Variants in WASF2 observed in about 807,000 individuals in gnomAD.
WASF2 encodes the protein actin-binding protein WASF2.
A neutral mutation model predicts 45.0 loss-of-function variants in WASF2; 14 were observed. The observed-to-expected ratio is 0.31, with a 90% CI of 0.21 to 0.49. WASF2 has a LOEUF of 0.49. Among genes scored for constraint, WASF2 ranks in the 20% least tolerant of loss-of-function variants. WASF2 has a pLI of 0.99. For synonymous variants in WASF2, 200 were observed against 236.3 expected (o/e 0.85, Z 1.41); for missense variants, 439 against 636.1 (o/e 0.69, Z 3.33).
At chr1:27,468,816 C>T (rs150535874) in intron 1 of WASF2, among the ~76,000 whole-genome samples, 3,057 of 149,786 alleles carry the variant, frequency 0.02, 105 homozygotes, top group African/African-American at 0.071. Flanking sequence ...CCCGTCTCTA[C>T]TAAGAATACA....
intron 1 of WASF2, among the ~76,000 whole-genome samples, chr1:27,487,520 A>G (rs2017950657): frequency 9.0e-6 from 1 of 111,526 alleles, no homozygotes; most frequent in Non-Finnish European, 1.7e-5. Flanking sequence ...GTTATATTAT[A>G]TATATTTTAT....
At chr1:27,458,463 A>G (rs1417034069) in intron 1 of WASF2, among the ~76,000 whole-genome samples, 1 of 152,120 alleles carries the variant, frequency 6.6e-6, no homozygotes, top group Non-Finnish European at 1.5e-5. Flanking sequence ...AAGATAACAA[A>G]TATTTGTAGT....
chr1:27,408,299 C>T lies in WASF2; in HGVS notation c.1387G>A (p.Asp463Asn), dbSNP rs773730204. 207 of 1,614,080 alleles carry T rather than the reference C, an allele frequency of 1.3e-4. No individual in the cohort carries two copies. Among genetic ancestry groups the T allele is most frequent in the African/African-American group, 1.3e-5 (1 of 74,928 alleles). The change falls in exon 9 of 9, where the codon GAT becomes AAT. Residue 463 changes from aspartate to asparagine, a missense_variant. Physicochemically the swap from Asp to Asn is conservative, Grantham distance 23. This residue lies in a region of WASF2 where 286 missense variants were observed against 373.5 expected (regional missense o/e 0.77). Transcript: ENST00000618852. ...VEEQREQEKR[D>N]VVGNDVATIL... The stretch of plus-strand genomic sequence containing the variant: ...GTGGCCACGTCATTGCCCACAACAT[C>T]CCGCTTCTCTTGTTCCCGCTGCTCC...
chr1:27,406,121 C>T lies in WASF2; in HGVS notation c.*2068G>A, dbSNP rs1266928995. 4 of 152,728 alleles carry T rather than the reference C, an allele frequency of 2.6e-5. No homozygotes were observed. The highest frequency in any genetic ancestry group is 5.9e-5 in the Non-Finnish European group (4 of 68,132). 9.5% of individuals were successfully genotyped at this position (152,728 alleles called of 1,614,324 possible). On this transcript the variant is annotated 3_prime_UTR_variant, in exon 9 of 9. Coordinates refer to ENST00000618852, the MANE Select transcript of WASF2 (RefSeq NM_006990.5). ...GTCTCCTATTTGGGAGAACCACTGCCCTCTGCCTGCCTCTCCAACTACTGC... is the reference window on the plus strand; with the variant it reads ...GTCTCCTATTTGGGAGAACCACTGCTCTCTGCCTGCCTCTCCAACTACTGC...
At chr1:27,469,012 TG>T (rs1388949754) in intron 1 of WASF2, among the ~76,000 whole-genome samples, 6 of 150,836 alleles carry the variant, frequency 4.0e-5, no homozygotes, top group Non-Finnish European at 8.8e-5. Context: ...ATAAACCAAA[TG>T]TTCAGAGAGA....
intron 1 of WASF2, among the ~76,000 whole-genome samples, chr1:27,431,744 A>T (rs1049126150): frequency 3.3e-5 from 5 of 152,214 alleles, no homozygotes; most frequent in Non-Finnish European, 5.9e-5. Context: ...ACACCTTGGT[A>T]CTTTAGCACT....
chr1:27,422,111 G>A lies in WASF2; in HGVS notation c.131-3023C>T, dbSNP rs561711005. On this transcript the variant is annotated intron_variant, in intron 2 of 8. Transcript: ENST00000618852. The stretch of plus-strand genomic sequence containing the variant: ...TAGGATTTCCTGCTCCTTAAGTGAA[G>A]GGGATAGTGATAGTAGAAGTAGAGG... Among the ~76,000 whole-genome samples, 231 of 151,058 alleles carry A rather than the reference G, an allele frequency of 1.5e-3. 1 individual carries two copies. Among genetic ancestry groups the A allele is most frequent in the African/African-American group, 5.1e-3 (212 of 41,182 alleles).
rs532048393 is a variant in WASF2, at chr1:27,463,269, T to C, written c.-44+26717A>G. ...TATCAATTATTTTCTGAACAGAATA[T>C]ATTATAGATATTTTAACTTTTTCTT... On this transcript the variant is annotated intron_variant, in intron 1 of 8. Transcript: ENST00000618852. Among the ~76,000 whole-genome samples the C allele has an allele frequency of 1.5e-3, 234 of 152,246 alleles. 2 individuals carry two copies. Among genetic ancestry groups the C allele is most frequent in the Middle Eastern group, 6.8e-3 (2 of 294 alleles).
intron 1 of WASF2, among the ~76,000 whole-genome samples, chr1:27,458,077 A>T (rs1324898331): frequency 1.3e-5 from 2 of 152,118 alleles, no homozygotes; most frequent in African/African-American, 4.8e-5. Context: ...TGGGAGGCCG[A>T]GACAGGCGGA....
rs1013712258 is a variant in WASF2, at chr1:27,405,334, CA to C, written c.*2854del. ...CCATCTCACAACCAAGGCAAAGCCA[CA>C]AGTTGCTTCTGACACTATTGGAAGC... On this transcript the variant is annotated 3_prime_UTR_variant, in exon 9 of 9. Coordinates refer to ENST00000618852, the MANE Select transcript of WASF2 (RefSeq NM_006990.5). 19 of 152,276 alleles carry C rather than the reference CA, an allele frequency of 1.2e-4. No homozygotes were observed. Among genetic ancestry groups the C allele is most frequent in the African/African-American group, 4.3e-4 (18 of 41,434 alleles). 9.4% of individuals were successfully genotyped at this position (152,276 alleles called of 1,614,324 possible).
chr1:27,415,899 T>A (rs1351217818), intron 5 of WASF2, 86 bp downstream of exon 5: 1 of 1,129,424 alleles, frequency 8.9e-7, no homozygotes, highest in Non-Finnish European at 1.3e-6. Flanking sequence ...CTTGAAATGA[T>A]TACTTCACAT....
intron 1 of WASF2, among the ~76,000 whole-genome samples, chr1:27,446,007 T>C (rs1488056533): frequency 6.6e-6 from 1 of 152,090 alleles, no homozygotes; most frequent in East Asian, 1.9e-4. Context: ...AAGATAATTA[T>C]ATCAGAAGTG....
intron 1 of WASF2, among the ~76,000 whole-genome samples, chr1:27,464,704 C>A (rs1455161354): frequency 6.6e-6 from 1 of 152,120 alleles, no homozygotes; most frequent in Admixed American, 6.6e-5. Flanking sequence ...CTTAGAAGCA[C>A]TTCCAGCTTA....
Position 27,436,604 on chromosome 1 carries a change from G to A in WASF2, c.-43-7671C>T, listed in dbSNP as rs531977962. Among the ~76,000 whole-genome samples the A allele has an allele frequency of 7.2e-5, 11 of 152,310 alleles. No homozygotes were observed. In the South Asian group the frequency reaches 2.1e-3, roughly 29 times the overall value. On this transcript the variant is annotated intron_variant, in intron 1 of 8. Coordinates refer to ENST00000618852, the MANE Select transcript of WASF2 (RefSeq NM_006990.5). ...AAGTCTGTATATTAAAATGTTTAAA[G>A]TATGAATTTACTGTTGCATATAGCA...
At chr1:27,453,274 T>A (rs996187503) in intron 1 of WASF2, among the ~76,000 whole-genome samples, 11 of 151,460 alleles carry the variant, frequency 7.3e-5, no homozygotes, top group Non-Finnish European at 1.3e-4. Flanking sequence ...ACATAGCAAA[T>A]GTCAGTGTAT....
intron 3 of WASF2, 22 bp downstream of exon 3, chr1:27,418,932 A>AGCTC: frequency 6.2e-7 from 1 of 1,609,358 alleles, no homozygotes. Flanking sequence ...GAGCCTGCAA[A>AGCTC]TGCTGAGCTC....
intron 1 of WASF2, among the ~76,000 whole-genome samples, chr1:27,462,234 C>T (rs1443173552): frequency 4.6e-5 from 7 of 151,854 alleles, no homozygotes; most frequent in Non-Finnish European, 7.4e-5. Context: ...CCTTGGCCTC[C>T]CAAAGTGCTG....
chr1:27,446,474 C>T (rs983539327), intron 1 of WASF2, among the ~76,000 whole-genome samples: 1 of 152,136 alleles, frequency 6.6e-6, no homozygotes, highest in Non-Finnish European at 1.5e-5. Context: ...AAAAGCTTCA[C>T]TTGTAAAGAC....
intron 1 of WASF2, among the ~76,000 whole-genome samples, chr1:27,461,148 A>C (rs934664315): frequency 9.2e-5 from 14 of 152,136 alleles, no homozygotes; most frequent in Admixed American, 6.6e-5. Flanking sequence ...TCCGTCTCAA[A>C]ACACAAAAAC....
Sources: gnomAD v4.1 joint callset for allele counts (sites outside exome capture counted in the v4.1 genomes callset) on GRCh38, gnomAD v4.1.1 for gene constraint, gnomAD v4.1.1 regional missense constraint, MANE v1.5 for transcripts, NCBI Gene and HGNC (gene_info 2026-07-23, HGNC 2026-07-21) for gene names.